The following JPH3 variants were observed in gnomAD, a reference collection of about 807,000 sequenced individuals.
JPH3 encodes junctophilin-3.
JPH3 carries 11 observed loss-of-function variants against 59.6 expected under a neutral mutation model. The observed-to-expected ratio is 0.18, with a 90% confidence interval of 0.12 to 0.31. The LOEUF (loss-of-function observed/expected upper bound fraction) is 0.31, where lower values mean the gene tolerates loss of function less well. Among genes scored for constraint, JPH3 ranks in the 10% least tolerant of loss-of-function variants. JPH3 has a pLI of 1.00. For missense variants in JPH3, 1,202 were observed against 1,105.7 expected (o/e 1.09, Z -1.24); for synonymous variants, 673 against 483.6 (o/e 1.39, Z -5.14).
Position 87,644,846 on chromosome 16 carries a change from G to T in JPH3, c.971G>T (p.Gly324Val). The T allele has an allele frequency of 6.2e-7, 1 of 1,613,494 alleles. No individual in the cohort carries two copies. ...EWASNRRHGY[G>V]CMTFPDGTKE... Reference sequence around the variant, plus strand: ...GCCAGCAACCGGCGCCATGGCTACGGCTGCATGACCTTCCCGGACGGCACC... The same window carrying T: ...GCCAGCAACCGGCGCCATGGCTACGTCTGCATGACCTTCCCGGACGGCACC... Residue 324 changes from glycine to valine, a missense_variant, in exon 2 of 5, where the codon GGC (glycine) becomes GTC (valine). Physicochemically the swap from Gly to Val is moderately radical, Grantham distance 109. Coordinates refer to ENST00000284262, the MANE Select transcript of JPH3 (RefSeq NM_020655.4).
At chr16:87,618,088 C>T (rs34659866) in intron 1 of JPH3, among the ~76,000 whole-genome samples, 5,266 of 152,064 alleles carry the variant, frequency 0.035, 144 homozygotes, top group Non-Finnish European at 0.057. Context: ...CACTTCAGCC[C>T]GGGAGGTGCA....
intron 1 of JPH3, among the ~76,000 whole-genome samples, chr16:87,614,654 A>T (rs1222342503): frequency 6.7e-6 from 1 of 148,500 alleles, no homozygotes; most frequent in African/African-American, 2.5e-5. Context: ...CCGTCCCAGG[A>T]TAAAGGCAGG....
At chr16:87,682,372 G>A (rs1266112131) in intron 2 of JPH3, among the ~76,000 whole-genome samples, 1 of 152,188 alleles carries the variant, frequency 6.6e-6, no homozygotes, top group Non-Finnish European at 1.5e-5. Flanking sequence ...TGCGTAGAAG[G>A]TGTTTGCGCC....
chr16:87,681,696 C>T (rs1237966965), intron 2 of JPH3, among the ~76,000 whole-genome samples: 8 of 151,926 alleles, frequency 5.3e-5, no homozygotes, highest in East Asian at 1.9e-4. Flanking sequence ...CAGGTGCATG[C>T]GGTGATTGTT....
At chr16:87,680,925 A>T (rs986498236) in intron 2 of JPH3, among the ~76,000 whole-genome samples, 2 of 151,952 alleles carry the variant, frequency 1.3e-5, no homozygotes, top group Admixed American at 6.6e-5. Context: ...AGATGTGGGA[A>T]CCAAATGGGC....
chr16:87,668,247 C>G (rs571480346), intron 2 of JPH3, among the ~76,000 whole-genome samples: 4 of 152,160 alleles, frequency 2.6e-5, no homozygotes, highest in Non-Finnish European at 5.9e-5. Context: ...AGGCCGGAGC[C>G]GGCACATGCG....
intron 1 of JPH3, among the ~76,000 whole-genome samples, chr16:87,639,329 AG>A (rs1454183293): frequency 6.6e-6 from 1 of 151,286 alleles, no homozygotes; most frequent in Non-Finnish European, 1.5e-5. Context: ...GAGGCCTCCT[AG>A]CCCCTTCCTG....
At chr16:87,665,653 T>G (rs957836007) in intron 2 of JPH3, among the ~76,000 whole-genome samples, 1 of 152,180 alleles carries the variant, frequency 6.6e-6, no homozygotes, top group African/African-American at 2.4e-5. Flanking sequence ...CCTAGGAAGC[T>G]GGGGGTGGGA....
rs2033498199 is a variant in JPH3, at chr16:87,689,385, G to C, written c.1286-261G>C. Among the ~76,000 whole-genome samples, 3 of 152,156 alleles carry C rather than the reference G, an allele frequency of 2.0e-5. No individual in the cohort carries two copies. In the South Asian group the frequency reaches 6.2e-4, roughly 31 times the overall value. On this transcript the variant is annotated intron_variant, in intron 3 of 4. Coordinates refer to ENST00000284262, the MANE Select transcript of JPH3 (RefSeq NM_020655.4). ...GCCTTGGGTCTCCCTTGTAGCCTGGGAGCTGCTGTCCGCCCTTCCTGTGGT... is the reference window on the plus strand; with the variant it reads ...GCCTTGGGTCTCCCTTGTAGCCTGGCAGCTGCTGTCCGCCCTTCCTGTGGT...
At chr16:87,681,557 G>T (rs1474839226) in intron 2 of JPH3, among the ~76,000 whole-genome samples, 1 of 141,188 alleles carries the variant, frequency 7.1e-6, no homozygotes, top group African/African-American at 2.7e-5. Flanking sequence ...GGGAGGTCAG[G>T]TGCGCCTGGT....
intron 2 of JPH3, among the ~76,000 whole-genome samples, chr16:87,678,642 C>T (rs544536373): frequency 1.4e-4 from 22 of 152,308 alleles, no homozygotes; most frequent in African/African-American, 5.1e-4. Context: ...GCTAGGTCTG[C>T]CTGGCAACTC....
chr16:87,695,228 C>T (rs754561102), intron 4 of JPH3: 80 of 437,982 alleles, frequency 1.8e-4, no homozygotes, highest in African/African-American at 1.5e-3. Flanking sequence ...TCACCTGGTG[C>T]CACATGAGCT....
In JPH3 at chr16:87,645,001, A is replaced by G. The variant is rs566359692; in HGVS notation, c.1126A>G (p.Ile376Val). The change falls in exon 2 of 5, where the codon ATC becomes GTC. Residue 376 changes from isoleucine to valine, a missense_variant. Transcript: ENST00000284262. Reference sequence around the variant, plus strand: ...TGAGGCCGCTGAGCGGGCCGCCACCATCGCCAAGCAGAAGGCTGAGATCGC... The same window carrying G: ...TGAGGCCGCTGAGCGGGCCGCCACCGTCGCCAAGCAGAAGGCTGAGATCGC... ...AVEAAERAAT[I>V]AKQKAEIAAS... The G allele has an allele frequency of 1.2e-6, 2 of 1,606,726 alleles. No individual in the cohort carries two copies. The highest frequency in any genetic ancestry group is 2.2e-5 in the East Asian group (1 of 44,846).
At chr16:87,692,402 CTGAG>C (rs2033616277) in intron 4 of JPH3, among the ~76,000 whole-genome samples, 2 of 152,236 alleles carry the variant, frequency 1.3e-5, no homozygotes, top group Non-Finnish European at 2.9e-5. Context: ...CCAGGCTGGG[CTGAG>C]TGCCTTCAGT....
intron 2 of JPH3, among the ~76,000 whole-genome samples, chr16:87,668,858 G>C (rs2032942075): frequency 6.6e-6 from 1 of 152,140 alleles, no homozygotes; most frequent in Admixed American, 6.5e-5. Context: ...CTGGGACCCA[G>C]ACAGCCCTAC....
chr16:87,644,528 C>T lies in JPH3; in HGVS notation c.653C>T (p.Ser218Leu), dbSNP rs768026465. The T allele has an allele frequency of 4.3e-6, 7 of 1,612,896 alleles. No homozygotes were observed. The highest frequency in any genetic ancestry group is 1.3e-5 in the African/African-American group (1 of 75,044). ...AAGAAGAAGGGGCTGTTTCGGCGCT[C>T]GCTGCTGAGTGGGCTGAAGCTGCGC... ...KSKKKGLFRR[S>L]LLSGLKLRKS... The change falls in exon 2 of 5, where the codon TCG (serine) becomes TTG (leucine). Residue 218 changes from serine (S) to leucine (L), a missense_variant. Physicochemically the swap from Ser to Leu is moderately radical, Grantham distance 145. Coordinates refer to ENST00000284262, the MANE Select transcript of JPH3 (RefSeq NM_020655.4).
At chr16:87,677,867 A>T (rs1343278244) in intron 2 of JPH3, among the ~76,000 whole-genome samples, 1 of 152,214 alleles carries the variant, frequency 6.6e-6, no homozygotes, top group Non-Finnish European at 1.5e-5. Context: ...GAGGCCTGAG[A>T]TTGTGGGGAT....
At chr16:87,659,283 A>C (rs904948160) in intron 2 of JPH3, among the ~76,000 whole-genome samples, 1 of 150,380 alleles carries the variant, frequency 6.6e-6, no homozygotes, top group Non-Finnish European at 1.5e-5. Flanking sequence ...AAGCTGAGGC[A>C]TGAGAATCAC....
At chr16:87,661,932 C>T (rs1232016066) in intron 2 of JPH3, among the ~76,000 whole-genome samples, 1 of 152,234 alleles carries the variant, frequency 6.6e-6, no homozygotes, top group East Asian at 1.9e-4. Flanking sequence ...GCACGTACGC[C>T]ACCACTACTC....
Sources: gnomAD v4.1 joint callset for allele counts (sites outside exome capture counted in the v4.1 genomes callset) on GRCh38, gnomAD v4.1.1 for gene constraint, MANE v1.5 for transcripts, NCBI Gene and HGNC (gene_info 2026-07-23, HGNC 2026-07-21) for gene names.